The following PANK2 variants were observed in gnomAD, a reference collection of about 807,000 sequenced individuals.
The protein encoded by PANK2 is pantothenate kinase 2, also known as pantothenate kinase 2, mitochondrial.
A neutral mutation model predicts 43.1 loss-of-function variants in PANK2; 36 were observed. The ratio of observed to expected loss-of-function variants is 0.84; its 90% confidence interval spans 0.64 to 1.10. The LOEUF is 1.10. PANK2 is among the 50% of genes least tolerant of loss of function. PANK2 has a pLI of 0.00. For missense variants in PANK2, 576 were observed against 593.3 expected (o/e 0.97, Z 0.30); for synonymous variants, 281 against 238.2 (o/e 1.18, Z -1.66).
chr20:3,903,119 G>A (rs2090330204), intron 1 of PANK2, among the ~76,000 whole-genome samples: 1 of 147,068 alleles, frequency 6.8e-6, no homozygotes, highest in African/African-American at 2.5e-5. Flanking sequence ...GCTTTCAGAT[G>A]TAAAAATGAT....
At position 3,929,116 on chromosome 20, in the gene PANK2, G is replaced by T. The variant is rs879405168; in HGVS notation, c.*5822G>T. On this transcript the variant is annotated 3_prime_UTR_variant, in exon 7 of 7. Transcript: ENST00000610179. Reference sequence around the variant, plus strand: ...CCTGCCTCGGCCTCCCAAAGTGCTGGGATGTTGGGATTACAGGCGTGAGCC... The same window carrying T: ...CCTGCCTCGGCCTCCCAAAGTGCTGTGATGTTGGGATTACAGGCGTGAGCC... The T allele has an allele frequency of 6.6e-6, 1 of 152,266 alleles. No individual in the cohort carries two copies. Among genetic ancestry groups the T allele is most frequent in the Non-Finnish European group, 1.5e-5 (1 of 68,144 alleles). 9.4% of individuals were successfully genotyped at this position (152,266 alleles called of 1,614,324 possible). A position where few individuals can be genotyped will look rare whatever the true frequency, so the allele number is the denominator to read the frequency against.
intron 1 of PANK2, among the ~76,000 whole-genome samples, chr20:3,905,593 C>T (rs1055764687): frequency 5.3e-5 from 8 of 151,508 alleles, no homozygotes; most frequent in African/African-American, 1.7e-4. Context: ...ATGATCCTCC[C>T]GCCTCGGCCT....
intron 4 of PANK2, among the ~76,000 whole-genome samples, chr20:3,914,388 T>C (rs1331736264): frequency 1.3e-5 from 2 of 152,044 alleles, no homozygotes; most frequent in African/African-American, 4.8e-5. Flanking sequence ...CGATCATAAC[T>C]GGCTGCAGCC....
chr20:3,910,864 A>C (rs923647959), intron 3 of PANK2, 34 bp downstream of exon 3: 1 of 1,613,096 alleles, frequency 6.2e-7, no homozygotes, highest in African/African-American at 1.3e-5. Context: ...GTTTATTCTT[A>C]GTATCCTAAC....
chr20:3,912,949 A>T (rs901910191), intron 4 of PANK2, among the ~76,000 whole-genome samples: 6 of 151,430 alleles, frequency 4.0e-5, no homozygotes, highest in African/African-American at 1.5e-4. Flanking sequence ...AAAAAAAAAA[A>T]AAAAAGACAT....
chr20:3,909,325 C>G (rs943107354), intron 2 of PANK2, among the ~76,000 whole-genome samples: 1 of 152,198 alleles, frequency 6.6e-6, no homozygotes, highest in African/African-American at 2.4e-5. Flanking sequence ...GGTGATCTGC[C>G]TGCTTCAGCC....
chr20:3,922,980 C>T (rs554381580), intron 6 of PANK2, among the ~76,000 whole-genome samples: 2 of 152,306 alleles, frequency 1.3e-5, no homozygotes, highest in East Asian at 3.9e-4. Context: ...CTCATAGCTC[C>T]TGTCGCCCTC....
rs896771583 is a variant in PANK2, at chr20:3,908,362, A to G, written c.651+84A>G. 7 of 1,267,878 alleles carry G rather than the reference A, an allele frequency of 5.5e-6. No individual in the cohort carries two copies. The East Asian group carries it at 1.8e-4, about 32-fold the overall frequency. 78.5% of individuals were successfully genotyped at this position (1,267,878 alleles called of 1,614,324 possible). A position where few individuals can be genotyped will look rare whatever the true frequency, so the allele number is the denominator to read the frequency against. ...AGTAGCAAGTGGTGAAATAATTTCC[A>G]TCTCTAATGGAACTTGAATTTTCTT... On this transcript the variant is annotated intron_variant, in intron 2 of 6. Coordinates refer to ENST00000610179, the MANE Select transcript of PANK2 (RefSeq NM_001386393.1).
rs772119893 is a variant in PANK2 at position 3,910,741 on chromosome 20, G to A, written c.816G>A (p.Pro272=). 23 of 1,613,990 alleles carry A rather than the reference G, an allele frequency of 1.4e-5. No individual in the cohort carries two copies. Among genetic ancestry groups the A allele is most frequent in the Admixed American group, 5.0e-5 (3 of 59,990 alleles). Reference sequence around the variant, plus strand: ...AGTTACCATTTGATTTGAAAAATCCGTATCCTCTGCTTCTGGTGAACATTG... The same window carrying A: ...AGTTACCATTTGATTTGAAAAATCCATATCCTCTGCTTCTGGTGAACATTG... Residue 272 remains proline (P), a synonymous_variant, in exon 3 of 7, where the codon CCG becomes CCA. Transcript: ENST00000610179.
chr20:3,912,244 C>T (rs939887743), intron 3 of PANK2, among the ~76,000 whole-genome samples: 2 of 152,070 alleles, frequency 1.3e-5, no homozygotes, highest in African/African-American at 4.8e-5. Flanking sequence ...GGGACATGGG[C>T]CCTGTGTTTT....
chr20:3,916,036 A>G (rs1468570286), intron 4 of PANK2, among the ~76,000 whole-genome samples: 5 of 152,238 alleles, frequency 3.3e-5, no homozygotes, highest in African/African-American at 9.6e-5. Context: ...TAGAGATTAC[A>G]TTGAATCTTT....
intron 1 of PANK2, among the ~76,000 whole-genome samples, chr20:3,890,375 AG>A (rs1436397716): frequency 6.6e-6 from 1 of 152,110 alleles, no homozygotes; most frequent in Non-Finnish European, 1.5e-5. Flanking sequence ...CTTTGTTTTG[AG>A]GGGAAACAAC....
At position 3,925,389 on chromosome 20, in the gene PANK2, A is replaced by G. The variant is rs2090705608; in HGVS notation, c.*2095A>G. On this transcript the variant is annotated 3_prime_UTR_variant, in exon 7 of 7. Coordinates refer to ENST00000610179, the MANE Select transcript of PANK2 (RefSeq NM_001386393.1). The stretch of plus-strand genomic sequence containing the variant: ...GCTGAGACTACAGGCATGTGCCACC[A>G]TGGCTGGCTAATTTTTATATTTTTA... 2 of 152,260 alleles carry G rather than the reference A, an allele frequency of 1.3e-5. No individual in the cohort carries two copies. Among genetic ancestry groups the G allele is most frequent in the South Asian group, 4.1e-4 (2 of 4,836 alleles). The allele number at this position is 152,260 out of a possible 1,614,324, so 9.4% of individuals were successfully genotyped here. A position where few individuals can be genotyped will look rare whatever the true frequency, so the allele number is the denominator to read the frequency against.
At chr20:3,888,939 G>T (rs1411672519), upstream of PANK2, 6 of 595,868 alleles carry the variant, frequency 1.0e-5, no homozygotes, top group Non-Finnish European at 1.2e-5. Flanking sequence ...GTCTGCCGAC[G>T]ACCAGCGGCC....
chr20:3,920,434 T>C (rs1403889308), intron 6 of PANK2, among the ~76,000 whole-genome samples: 1 of 152,184 alleles, frequency 6.6e-6, no homozygotes, highest in East Asian at 1.9e-4. Context: ...GGAGAATCTC[T>C]TGAATCTGGG....
chr20:3,927,429 T>C lies in PANK2; in HGVS notation c.*4135T>C, dbSNP rs1460341555. The stretch of plus-strand genomic sequence containing the variant: ...AATAGCAATTAAATATACAAAAATA[T>C]AGCTTACAAAAAACTGCGAATGTTT... On this transcript the variant is annotated 3_prime_UTR_variant, in exon 7 of 7. Coordinates refer to ENST00000610179, the MANE Select transcript of PANK2 (RefSeq NM_001386393.1). The C allele has an allele frequency of 6.6e-6, 1 of 152,190 alleles. No homozygotes were observed. Among genetic ancestry groups the C allele is most frequent in the Non-Finnish European group, 1.5e-5 (1 of 68,042 alleles). 9.4% of individuals were successfully genotyped at this position (152,190 alleles called of 1,614,324 possible).
intron 5 of PANK2, among the ~76,000 whole-genome samples, chr20:3,917,297 G>A (rs2090577134): frequency 6.6e-6 from 1 of 152,056 alleles, no homozygotes; most frequent in African/African-American, 2.4e-5. Context: ...AGGAAGAGTG[G>A]AAGGTAGCCA....
rs971059090 is a variant in PANK2 at position 3,913,251 on chromosome 20, ATG to A, written c.1082+618_1082+619del. 1.4e-4 allele frequency among the ~76,000 whole-genome samples: 22 copies of A among 152,280 alleles called. 1 individual carries two copies. Among genetic ancestry groups the A allele is most frequent in the African/African-American group, 5.3e-4 (22 of 41,532 alleles). On this transcript the variant is annotated intron_variant, in intron 4 of 6. Transcript: ENST00000610179. Reference sequence around the variant, plus strand: ...TCATATAAGTGGTATCATACAGTATATGATCTTTTGTGATTACTTCTTCATAT... The same window carrying A: ...TCATATAAGTGGTATCATACAGTATAATCTTTTGTGATTACTTCTTCATAT...
chr20:3,901,844 G>A (rs1364636891), intron 1 of PANK2, among the ~76,000 whole-genome samples: 1 of 151,954 alleles, frequency 6.6e-6, no homozygotes, highest in South Asian at 2.1e-4. Flanking sequence ...TTGGTTGGCT[G>A]GATATAAGTT....
Sources: allele counts gnomAD v4.1 joint callset (sites outside exome capture counted in the v4.1 genomes callset), GRCh38; gene constraint gnomAD v4.1.1; transcripts MANE v1.5; gene names NCBI Gene and HGNC (gene_info 2026-07-23, HGNC 2026-07-21).